The following MYRFL variants were observed in gnomAD, a reference collection of about 807,000 sequenced individuals.
The protein encoded by MYRFL is myelin regulatory factor like.
A neutral mutation model predicts 109.4 loss-of-function variants in MYRFL; 88 were observed. That is an observed-to-expected ratio of 0.80 (90% CI 0.68 to 0.96). The LOEUF (loss-of-function observed/expected upper bound fraction) is 0.96, where lower values mean the gene tolerates loss of function less well. MYRFL is among the 40% of genes least tolerant of loss of function. The pLI, the probability that MYRFL is intolerant of heterozygous loss-of-function variation, is 0.00. For missense variants in MYRFL, 957 were observed against 954.9 expected, an observed-to-expected ratio of 1.00 and a Z score of -0.03; for synonymous variants, 324 against 320.9, an observed-to-expected ratio of 1.01 and a Z score of -0.10.
intron 12 of MYRFL, 128 bp from the exon 13 acceptor site, chr12:69,910,693 A>T: frequency 1.8e-6 from 1 of 563,518 alleles, no homozygotes. Flanking sequence ...TTAATCCTAT[A>T]GTGGTTCTTG....
intron 1 of MYRFL, among the ~76,000 whole-genome samples, chr12:69,840,525 T>C (rs1179620903): frequency 6.6e-6 from 1 of 152,234 alleles, no homozygotes; most frequent in Non-Finnish European, 1.5e-5. Context: ...TCCTGCCTGT[T>C]GACTTCCCTG....
intron 5 of MYRFL, among the ~76,000 whole-genome samples, chr12:69,881,443 T>A (rs951921673): frequency 1.3e-5 from 2 of 152,238 alleles, no homozygotes; most frequent in African/African-American, 4.8e-5. Context: ...GTTTACACTG[T>A]CCAGAAAGGA....
chr12:69,886,831 A>T lies in MYRFL; in HGVS notation c.568A>T (p.Ser190Cys), dbSNP rs559247502. Residue 190 changes from serine to cysteine, a missense_variant, in exon 6 of 25, where the codon AGT becomes TGT. Transcript: ENST00000552032. ...ACHCRPMTSR[S>C]RSSEVQDPDS... ...CTGTTTCTTTGCAGTGACAAGTAGG[A>T]GTCGCAGCAGTGAAGTCCAGGACCC... 9 of 1,535,910 alleles carry T rather than the reference A, an allele frequency of 5.9e-6. No homozygotes were observed. The South Asian group carries it at 1.1e-4, about 18-fold the overall frequency.
intron 17 of MYRFL, 21 bp from the exon 18 acceptor site, chr12:69,936,262 C>CATT: frequency 1.3e-6 from 2 of 1,535,848 alleles, no homozygotes; most frequent in Non-Finnish European, 1.7e-6. Flanking sequence ...TTTCATTAAT[C>CATT]ATTTCATTCT....
chr12:69,905,797 A>G (rs546211610), intron 11 of MYRFL, among the ~76,000 whole-genome samples: 4 of 152,314 alleles, frequency 2.6e-5, no homozygotes, highest in South Asian at 4.1e-4. Flanking sequence ...TTTGAGATAT[A>G]TATTTGTAGA....
chr12:69,878,969 G>T, intron 2 of MYRFL, 59 bp from the exon 3 acceptor site: 1 of 702,662 alleles, frequency 1.4e-6, no homozygotes, highest in South Asian at 1.5e-5. Flanking sequence ...TCCCATTTGT[G>T]ACAAAACTAT....
At chr12:69,848,678 G>A (rs1377416318) in intron 1 of MYRFL, among the ~76,000 whole-genome samples, 3 of 152,000 alleles carry the variant, frequency 2.0e-5, no homozygotes, top group Admixed American at 6.6e-5. Context: ...TATGTCATAT[G>A]CAAATTATTT....
intron 13 of MYRFL, among the ~76,000 whole-genome samples, chr12:69,921,044 G>T (rs1350571): frequency 0.091 from 13,909 of 152,156 alleles, 1,770 homozygotes; most frequent in African/African-American, 0.29. Flanking sequence ...ACTGTAGAGT[G>T]GTGTTTCAGC....
intron 10 of MYRFL, among the ~76,000 whole-genome samples, chr12:69,899,962 G>T (rs1355515483): frequency 1.3e-5 from 2 of 151,998 alleles, no homozygotes; most frequent in Non-Finnish European, 2.9e-5. Flanking sequence ...TTAATGACTG[G>T]GCTGTTCTAT....
intron 1 of MYRFL, among the ~76,000 whole-genome samples, chr12:69,837,090 G>A (rs969120846): frequency 1.4e-4 from 22 of 152,062 alleles, no homozygotes; most frequent in Admixed American, 6.5e-4. Flanking sequence ...GCCTAAAATC[G>A]GATTGGTAAA....
At chr12:69,843,478 C>T (rs1403977767) in intron 1 of MYRFL, among the ~76,000 whole-genome samples, 2 of 152,172 alleles carry the variant, frequency 1.3e-5, no homozygotes, top group Non-Finnish European at 2.9e-5. Context: ...ATGAAGAAAG[C>T]TGTTGGATGG....
chr12:69,834,072 C>A (rs1240254), intron 1 of MYRFL, among the ~76,000 whole-genome samples: 115,323 of 151,894 alleles, frequency 0.76, 44,910 homozygotes, highest in Non-Finnish European at 0.86. Flanking sequence ...GTTCTTTAGT[C>A]CTGCTCTGTG....
chr12:69,890,784 G>T (rs768174440), intron 6 of MYRFL, among the ~76,000 whole-genome samples, 187 bp from the exon 7 acceptor site: 2 of 152,186 alleles, frequency 1.3e-5, no homozygotes, highest in Non-Finnish European at 2.9e-5. Context: ...CTGGGAAACA[G>T]CCAGCTGTGT....
At chr12:69,842,880 C>T (rs1001359382) in intron 1 of MYRFL, among the ~76,000 whole-genome samples, 2 of 152,232 alleles carry the variant, frequency 1.3e-5, no homozygotes, top group African/African-American at 4.8e-5. Flanking sequence ...TAACACCTTG[C>T]ATTGCTATAG....
intron 1 of MYRFL, among the ~76,000 whole-genome samples, chr12:69,847,104 G>T (rs1251288969): frequency 6.6e-6 from 1 of 152,178 alleles, no homozygotes; most frequent in African/African-American, 2.4e-5. Flanking sequence ...AGGAGCTACA[G>T]TTCTTTGGTA....
chr12:69,873,898 T>C (rs552225476), intron 2 of MYRFL, among the ~76,000 whole-genome samples: 26 of 152,272 alleles, frequency 1.7e-4, no homozygotes, highest in African/African-American at 6.0e-4. Context: ...TTTCTTGGTT[T>C]ATTTTGTATT....
intron 2 of MYRFL, among the ~76,000 whole-genome samples, chr12:69,870,369 T>A (rs1039428266): frequency 1.3e-5 from 2 of 152,058 alleles, no homozygotes; most frequent in Non-Finnish European, 2.9e-5. Flanking sequence ...TCTTTCCTGC[T>A]GAAGCTAGAG....
chr12:69,910,952 G>GAGAACTTC, intron 13 of MYRFL, 22 bp downstream of exon 13: 3 of 1,479,694 alleles, frequency 2.0e-6, no homozygotes, highest in Non-Finnish European at 2.7e-6. Context: ...AAAGATATCA[G>GAGAACTTC]CTGCTATAAG....
At chr12:69,891,635 CTTTTTCTT>C (rs1462144138) in intron 7 of MYRFL, among the ~76,000 whole-genome samples, 133 of 12,432 alleles carry the variant, frequency 0.011, 4 homozygotes, top group African/African-American at 0.035. Flanking sequence ...TCCTTCCTTT[CTTTTTCTT>C]TCTTTCTTTC....
Sources: allele counts gnomAD v4.1 joint callset (sites outside exome capture counted in the v4.1 genomes callset), GRCh38; gene constraint gnomAD v4.1.1; transcripts MANE v1.5; gene names NCBI Gene and HGNC (gene_info 2026-07-23, HGNC 2026-07-21).